The following SLC1A4 variants were observed in gnomAD, a reference collection of about 807,000 sequenced individuals.
SLC1A4 encodes neutral amino acid transporter A.
Under a neutral mutation model 37.7 loss-of-function variants are expected in SLC1A4, and 19 were observed. The observed-to-expected ratio is 0.50, with a 90% CI of 0.35 to 0.74. The LOEUF is 0.74. Among genes scored for constraint, SLC1A4 ranks in the 30% least tolerant of loss-of-function variants. The pLI is 0.01. For synonymous variants in SLC1A4, 299 were observed against 309.8 expected, an observed-to-expected ratio of 0.97 and a Z score of 0.37; for missense variants, 570 against 712.9, an observed-to-expected ratio of 0.80 and a Z score of 2.28.
At chr2:64,996,408 A>G (rs2300546) in intron 1 of SLC1A4, among the ~76,000 whole-genome samples, 2,835 of 152,332 alleles carry the variant, frequency 0.019, 103 homozygotes, top group South Asian at 0.12. Context: ...CAACAGAAAA[A>G]GGAAATATTT....
intron 5 of SLC1A4, among the ~76,000 whole-genome samples, chr2:65,017,564 C>G (rs960694575): frequency 1.2e-4 from 19 of 152,008 alleles, no homozygotes; most frequent in Admixed American, 6.5e-4. Flanking sequence ...TCAGCTGCAC[C>G]AACTAACCTC....
chr2:64,994,516 T>C (rs777855582), intron 1 of SLC1A4, among the ~76,000 whole-genome samples: 53 of 152,374 alleles, frequency 3.5e-4, no homozygotes, highest in African/African-American at 1.3e-3. Context: ...ATTAGGATTT[T>C]GTCTGTTGCC....
At chr2:65,017,988 C>T (rs1012252934) in intron 5 of SLC1A4, 83 bp from the exon 6 acceptor site, 14 of 1,176,604 alleles carry the variant, frequency 1.2e-5, no homozygotes, top group Non-Finnish European at 1.6e-5. Flanking sequence ...GCTAATTGCT[C>T]TGTTCTGGGG....
At chr2:65,015,484 G>A (rs1475425127) in intron 4 of SLC1A4, among the ~76,000 whole-genome samples, 1 of 152,240 alleles carries the variant, frequency 6.6e-6, no homozygotes, top group Non-Finnish European at 1.5e-5. Flanking sequence ...GTGTCTATTT[G>A]AGGAGGATCC....
chr2:65,012,839 G>A (rs542579218), intron 4 of SLC1A4, among the ~76,000 whole-genome samples: 1 of 152,312 alleles, frequency 6.6e-6, no homozygotes, highest in Admixed American at 6.5e-5. Flanking sequence ...AGGAGTTCAA[G>A]ACCAGCCTGG....
At chr2:65,010,847 T>C in intron 4 of SLC1A4, 84 bp downstream of exon 4, 1 of 1,383,970 alleles carries the variant, frequency 7.2e-7, no homozygotes, top group Non-Finnish European at 9.9e-7. Context: ...TAGGTACCTG[T>C]GTGGGGCCAC....
In SLC1A4 at chr2:65,018,756, C is replaced by A. The variant is rs557797345; in HGVS notation, c.1364+77C>A. On this transcript the variant is annotated intron_variant, in intron 7 of 7. Coordinates refer to ENST00000234256, the MANE Select transcript of SLC1A4 (RefSeq NM_003038.5). This position sits in a 1 kb window ranked among gnomAD's most constrained non-coding sequence, Gnocchi z 4.3. ...GGAGCTTAGCACTGCTGGGCCTGGG[C>A]CATGCAGAGAAACTTCAGACACACT... is the stretch of plus-strand genomic sequence containing the variant. 3.8e-5 allele frequency: 58 copies of A among 1,535,468 alleles called. No homozygotes were observed. Among genetic ancestry groups the A allele is most frequent in the South Asian group, 2.1e-4 (18 of 85,540 alleles).
chr2:64,992,388 T>C (rs1673091494), intron 1 of SLC1A4, among the ~76,000 whole-genome samples: 1 of 152,190 alleles, frequency 6.6e-6, no homozygotes, highest in African/African-American at 2.4e-5. Flanking sequence ...CCCAGCGTCA[T>C]AGCTTAGTAG....
intron 3 of SLC1A4, among the ~76,000 whole-genome samples, chr2:65,006,863 C>G (rs1291993231): frequency 6.6e-6 from 1 of 152,070 alleles, no homozygotes; most frequent in African/African-American, 2.4e-5. Flanking sequence ...TCCCTTGAGC[C>G]AAGGAGTTTA....
At chr2:65,016,096 A>C (rs554305701) in intron 4 of SLC1A4, among the ~76,000 whole-genome samples, 163 of 152,368 alleles carry the variant, frequency 1.1e-3, no homozygotes, top group Admixed American at 2.7e-3. Flanking sequence ...AGTCAGGCTT[A>C]CAGTCCTGGA....
At chr2:65,009,500 G>A (rs1209316188) in intron 3 of SLC1A4, among the ~76,000 whole-genome samples, 1 of 152,208 alleles carries the variant, frequency 6.6e-6, no homozygotes, top group Non-Finnish European at 1.5e-5. Context: ...TACATTTCAT[G>A]TGAATCACAC....
Position 64,989,664 on chromosome 2 carries a change from C to T in SLC1A4, c.21C>T (p.Thr7=). The T allele has an allele frequency of 6.5e-7, 1 of 1,538,124 alleles. No individual in the cohort carries two copies. Among genetic ancestry groups the T allele is most frequent in the Non-Finnish European group, 8.7e-7 (1 of 1,149,382 alleles). Residue 7 remains threonine, a synonymous_variant, in exon 1 of 8, where the codon ACC becomes ACT. Coordinates refer to ENST00000234256, the MANE Select transcript of SLC1A4 (RefSeq NM_003038.5). MEKSNE[T]NGYLDSAQAG... ...GCGCCATGGAGAAGAGCAACGAGAC[C>T]AACGGCTACCTTGACAGCGCTCAGG...
intron 5 of SLC1A4, 131 bp downstream of exon 5, chr2:65,016,804 TA>T (rs1212826360): frequency 4.5e-6 from 3 of 670,302 alleles, no homozygotes; most frequent in African/African-American, 1.8e-5. Flanking sequence ...GGTCTTCTGT[TA>T]TTTTTTTGTT....
At chr2:65,019,811 A>T (rs1674336043) in intron 7 of SLC1A4, among the ~76,000 whole-genome samples, 1 of 152,174 alleles carries the variant, frequency 6.6e-6, no homozygotes, top group African/African-American at 2.4e-5. Flanking sequence ...AAGAGGCATC[A>T]AAGAGGTGCT....
intron 3 of SLC1A4, among the ~76,000 whole-genome samples, chr2:65,010,317 G>A (rs1673864618): frequency 6.6e-6 from 1 of 152,136 alleles, no homozygotes; most frequent in Non-Finnish European, 1.5e-5. Flanking sequence ...ATATCCCCAT[G>A]ACAGGGAGCC....
Position 64,989,589 on chromosome 2 carries a change from T to C in SLC1A4, c.-55T>C. On this transcript the variant is annotated 5_prime_UTR_variant, in exon 1 of 8. Coordinates refer to ENST00000234256, the MANE Select transcript of SLC1A4 (RefSeq NM_003038.5). ...CGACCCATTCATTGGGAACCCCGTC[T>C]TTTGCCAGAGCCCACGTCCCCTGCC... The C allele has an allele frequency of 7.2e-7, 1 of 1,390,040 alleles. No individual in the cohort carries two copies. Among genetic ancestry groups the C allele is most frequent in the Admixed American group, 3.3e-5 (1 of 29,872 alleles). 86.1% of individuals were successfully genotyped at this position (1,390,040 alleles called of 1,614,324 possible). A position where few individuals can be genotyped will look rare whatever the true frequency, so the allele number is the denominator to read the frequency against.
At chr2:65,017,151 C>T (rs1201517626) in intron 5 of SLC1A4, among the ~76,000 whole-genome samples, 1 of 152,140 alleles carries the variant, frequency 6.6e-6, no homozygotes. Flanking sequence ...AGGCAGCCCA[C>T]CTAACTCAAA....
intron 4 of SLC1A4, among the ~76,000 whole-genome samples, chr2:65,014,214 A>T (rs1558525923): frequency 6.6e-6 from 1 of 152,228 alleles, no homozygotes; most frequent in African/African-American, 2.4e-5. Flanking sequence ...CAAGACATTC[A>T]TTTCTAAAAA....
intron 4 of SLC1A4, among the ~76,000 whole-genome samples, chr2:65,013,450 G>A (rs895903453): frequency 4.6e-5 from 7 of 152,114 alleles, no homozygotes; most frequent in East Asian, 1.9e-4. Context: ...CCAAACTCCC[G>A]ACCTCAGGTG....
Sources: gnomAD v4.1 joint callset for allele counts (sites outside exome capture counted in the v4.1 genomes callset) on GRCh38, gnomAD v4.1.1 for gene constraint, Gnocchi (gnomAD v3.1) non-coding constraint, MANE v1.5 for transcripts, NCBI Gene and HGNC (gene_info 2026-07-23, HGNC 2026-07-21) for gene names.